The following KCNN3 variants were observed in gnomAD, a reference collection of about 807,000 sequenced individuals.
KCNN3 encodes the protein small conductance calcium-activated potassium channel protein 3.
In KCNN3, 16 loss-of-function variants were observed where a neutral mutation model predicts 62.9. That is an observed-to-expected ratio of 0.25 (90% CI 0.17 to 0.39). KCNN3 has a LOEUF of 0.39. KCNN3 is among the 10% of genes least tolerant of loss of function. The pLI is 1.00. For synonymous variants in KCNN3, 370 were observed against 389.2 expected (o/e 0.95, Z 0.58); for missense variants, 599 against 949.4 (o/e 0.63, Z 4.85).
At chr1:154,817,048 C>T (rs1188550917) in intron 2 of KCNN3, among the ~76,000 whole-genome samples, 1 of 152,208 alleles carries the variant, frequency 6.6e-6, no homozygotes, top group Non-Finnish European at 1.5e-5. Flanking sequence ...GTCAGCCAGA[C>T]AAACACATTC....
chr1:154,757,303 T>G (rs1647769881), intron 3 of KCNN3, among the ~76,000 whole-genome samples: 1 of 152,188 alleles, frequency 6.6e-6, no homozygotes, highest in African/African-American at 2.4e-5. Flanking sequence ...TTGCTAAAGC[T>G]GGAAACAGGA....
chr1:154,714,049 G>A (rs1376270077), intron 6 of KCNN3, among the ~76,000 whole-genome samples: 97 of 85,598 alleles, frequency 1.1e-3, no homozygotes, highest in Admixed American at 9.4e-3. Flanking sequence ...TGGTGTGTGC[G>A]GGGTGTGTGT....
At chr1:154,795,406 G>A (rs1323942520) in intron 2 of KCNN3, among the ~76,000 whole-genome samples, 1 of 152,202 alleles carries the variant, frequency 6.6e-6, no homozygotes, top group Non-Finnish European at 1.5e-5. Context: ...GTAGTGTCGA[G>A]TCCCCCACCT....
chr1:154,742,822 C>CCTCTG (rs1239820690), intron 3 of KCNN3, among the ~76,000 whole-genome samples: 1 of 152,210 alleles, frequency 6.6e-6, no homozygotes, highest in Non-Finnish European at 1.5e-5. Flanking sequence ...TATGTCACAG[C>CCTCTG]CTCTGCAGGA....
intron 7 of KCNN3, among the ~76,000 whole-genome samples, 181 bp downstream of exon 7, chr1:154,713,283 A>T (rs1043169715): frequency 6.6e-6 from 1 of 152,192 alleles, no homozygotes; most frequent in Non-Finnish European, 1.5e-5. Context: ...CCCACAAGAC[A>T]TACCGGTAGA....
rs759272043 is a variant in KCNN3, at chr1:154,869,505, G to C, written c.460C>G (p.Arg154Gly). The change falls in exon 1 of 8, where the codon CGG becomes GGG. Residue 154 changes from arginine (R) to glycine (G), a missense_variant. By Grantham distance (125) the Arg-to-Gly change is moderately radical. Coordinates refer to ENST00000271915, the MANE Select transcript of KCNN3 (RefSeq NM_002249.6). The surrounding 1 kb of genome is among the most constrained non-coding windows in gnomAD (Gnocchi z 6.1). ...TATSGPGGGS[R>G]HRQASPLVHR... ...ACCAGGGGGCTGGCCTGTCGGTGCCGGCTGCCTCCGCCAGGCCCACTTGTA... is the reference window on the plus strand; with the variant it reads ...ACCAGGGGGCTGGCCTGTCGGTGCCCGCTGCCTCCGCCAGGCCCACTTGTA... 6 of 1,614,098 alleles carry C rather than the reference G, an allele frequency of 3.7e-6. No individual in the cohort carries two copies. The highest frequency in any genetic ancestry group is 8.5e-7 in the Non-Finnish European group (1 of 1,180,000).
At chr1:154,868,470 G>A (rs943506670) in intron 1 of KCNN3, 3 of 366,076 alleles carry the variant, frequency 8.2e-6, no homozygotes, top group South Asian at 1.1e-4. Flanking sequence ...GAGAAGACAG[G>A]GAGAGAAGGG....
chr1:154,856,832 C>T (rs1293184600), intron 1 of KCNN3, among the ~76,000 whole-genome samples: 1 of 152,156 alleles, frequency 6.6e-6, no homozygotes, highest in East Asian at 1.9e-4. Context: ...GTTCTCCTAA[C>T]ACCAGGCTAG....
chr1:154,778,928 C>T (rs80240240), intron 2 of KCNN3, among the ~76,000 whole-genome samples: 16,828 of 152,138 alleles, frequency 0.11, 1,767 homozygotes, highest in East Asian at 0.47. Context: ...CAATCCCTTC[C>T]GTCTGAACTT....
intron 2 of KCNN3, among the ~76,000 whole-genome samples, chr1:154,785,527 T>TG (rs1452739797): frequency 6.6e-6 from 1 of 151,998 alleles, no homozygotes; most frequent in Non-Finnish European, 1.5e-5. Flanking sequence ...ACAAGCCATT[T>TG]GGTGAGTCCA....
At chr1:154,837,569 C>T (rs1023474979) in intron 1 of KCNN3, among the ~76,000 whole-genome samples, 5 of 152,106 alleles carry the variant, frequency 3.3e-5, no homozygotes, top group Admixed American at 6.5e-5. Flanking sequence ...GGCAGCAGAA[C>T]GAGTGATGCT....
At chr1:154,720,056 T>C (rs951674536) in intron 5 of KCNN3, among the ~76,000 whole-genome samples, 1 of 152,150 alleles carries the variant, frequency 6.6e-6, no homozygotes, top group Non-Finnish European at 1.5e-5. Flanking sequence ...TCAGTTAGGG[T>C]GGAGTTAAGC....
chr1:154,750,714 T>C (rs1647331413), intron 3 of KCNN3, among the ~76,000 whole-genome samples: 1 of 151,192 alleles, frequency 6.6e-6, no homozygotes, highest in Admixed American at 6.6e-5. Flanking sequence ...TTGATAAGGG[T>C]CTTAAGAGAC....
intron 3 of KCNN3, among the ~76,000 whole-genome samples, chr1:154,765,848 T>A (rs1393208029): frequency 6.6e-6 from 1 of 152,026 alleles, no homozygotes; most frequent in African/African-American, 2.4e-5. Flanking sequence ...GTTTTTGCTG[T>A]GTTGGTCAGG....
At chr1:154,730,128 C>T (rs1399282101) in intron 4 of KCNN3, among the ~76,000 whole-genome samples, 1 of 152,226 alleles carries the variant, frequency 6.6e-6, no homozygotes, top group East Asian at 1.9e-4. Context: ...ATATTGACAG[C>T]TTTCTCTCTA....
chr1:154,793,809 T>G (rs1400070725), intron 2 of KCNN3, among the ~76,000 whole-genome samples: 1 of 152,146 alleles, frequency 6.6e-6, no homozygotes, highest in Non-Finnish European at 1.5e-5. Flanking sequence ...AGACCTGCAG[T>G]TGGAAACCCG....
intron 1 of KCNN3, among the ~76,000 whole-genome samples, chr1:154,847,149 T>TGCCAG (rs1284156405): frequency 6.6e-6 from 1 of 151,834 alleles, no homozygotes; most frequent in Non-Finnish European, 1.5e-5. Context: ...GGCCCCTGTG[T>TGCCAG]GCCAGGCACG....
At chr1:154,828,010 C>T (rs759182220) in intron 1 of KCNN3, among the ~76,000 whole-genome samples, 3 of 152,002 alleles carry the variant, frequency 2.0e-5, no homozygotes, top group Non-Finnish European at 4.4e-5. Context: ...GAGAGACAGC[C>T]GATGCTGTCA....
At chr1:154,782,616 G>A (rs970081513) in intron 2 of KCNN3, among the ~76,000 whole-genome samples, 4 of 152,192 alleles carry the variant, frequency 2.6e-5, no homozygotes, top group East Asian at 1.9e-4. Context: ...CAACAAATGC[G>A]TTTTGGGGAG....
Sources: allele counts gnomAD v4.1 joint callset (sites outside exome capture counted in the v4.1 genomes callset), GRCh38; gene constraint gnomAD v4.1.1; non-coding constraint Gnocchi (gnomAD v3.1); transcripts MANE v1.5; gene names NCBI Gene and HGNC (gene_info 2026-07-23, HGNC 2026-07-21).